Variants in ZEB1 observed in about 807,000 individuals in gnomAD.
ZEB1 encodes zinc finger E-box binding homeobox 1.
ZEB1 carries 21 observed loss-of-function variants against 84.9 expected under a neutral mutation model. That is an observed-to-expected ratio of 0.25 (90% confidence interval 0.18 to 0.36). ZEB1 has a LOEUF of 0.36. Among genes scored for constraint, ZEB1 ranks in the 10% least tolerant of loss-of-function variants. The pLI is 1.00. For synonymous variants in ZEB1, 420 were observed against 471.1 expected, an observed-to-expected ratio of 0.89 and a Z score of 1.41; for missense variants, 1,104 against 1,330.2, an observed-to-expected ratio of 0.83 and a Z score of 2.65.
At chr10:31,479,146 A>G (rs2064707241) in intron 2 of ZEB1, among the ~76,000 whole-genome samples, 1 of 151,900 alleles carries the variant, frequency 6.6e-6, no homozygotes, top group Non-Finnish European at 1.5e-5. Flanking sequence ...AATCCTGAAG[A>G]AATGGATAAA....
In ZEB1 at chr10:31,431,205, T is replaced by G. The variant is rs900793928; in HGVS notation, c.59-29832T>G. Among the ~76,000 whole-genome samples the G allele has an allele frequency of 3.9e-5, 6 of 152,328 alleles. No individual in the cohort carries two copies. The East Asian group carries it at 1.2e-3, about 29-fold the overall frequency. ...TCTCTCACCTAGTTCCAGGTACATA[T>G]CTTTGTTGTTGACCAGAAAAGTGCC... On this transcript the variant is annotated intron_variant, in intron 1 of 8. Transcript: ENST00000424869.
At chr10:31,471,431 A>G (rs964831474) in intron 2 of ZEB1, among the ~76,000 whole-genome samples, 7 of 151,718 alleles carry the variant, frequency 4.6e-5, no homozygotes, top group Non-Finnish European at 1.0e-4. Flanking sequence ...CTGATAAAAC[A>G]GACCTTAAAC....
intron 1 of ZEB1, among the ~76,000 whole-genome samples, chr10:31,366,836 ACTCCAGTGATC>A (rs1279051862): frequency 6.6e-6 from 1 of 152,052 alleles, no homozygotes; most frequent in African/African-American, 2.4e-5. Flanking sequence ...CTGGAGCAAG[ACTCCAGTGATC>A]CTTGGAAGAA....
At chr10:31,484,100 G>A (rs903022107) in intron 2 of ZEB1, among the ~76,000 whole-genome samples, 8 of 151,782 alleles carry the variant, frequency 5.3e-5, no homozygotes, top group Admixed American at 2.0e-4. Flanking sequence ...GTTTCATATC[G>A]TATCTCCACT....
intron 1 of ZEB1, chr10:31,319,548 C>G: frequency 1.9e-6 from 1 of 518,966 alleles, no homozygotes; most frequent in East Asian, 3.4e-5. Context: ...TCCCGCCGCC[C>G]CTGCCGCCTC....
At chr10:31,474,985 C>G (rs1486535856) in intron 2 of ZEB1, among the ~76,000 whole-genome samples, 2 of 150,894 alleles carry the variant, frequency 1.3e-5, no homozygotes, top group East Asian at 3.9e-4. Context: ...ACCGCATATT[C>G]TCACTCATAG....
At chr10:31,408,784 T>TA (rs1455550606) in intron 1 of ZEB1, among the ~76,000 whole-genome samples, 1 of 149,664 alleles carries the variant, frequency 6.7e-6, no homozygotes, top group Non-Finnish European at 1.5e-5. Flanking sequence ...CCTAAAACCA[T>TA]AAAAACCCTA....
chr10:31,413,377 C>T lies in ZEB1; in HGVS notation c.59-47660C>T, dbSNP rs534160187. Among the ~76,000 whole-genome samples the T allele has an allele frequency of 4.3e-4, 65 of 152,146 alleles. No homozygotes were observed. In the Middle Eastern group the frequency reaches 0.017, roughly 40 times the overall value. On this transcript the variant is annotated intron_variant, in intron 1 of 8. Coordinates refer to ENST00000424869, the MANE Select transcript of ZEB1 (RefSeq NM_001174096.2). ...TTCTTTAGCCTAGGGAAACTTTTCA[C>T]AGGAGATGGAGTTTTAGGTATTGTG...
chr10:31,375,762 A>T (rs1046661267), intron 1 of ZEB1, among the ~76,000 whole-genome samples: 1 of 151,794 alleles, frequency 6.6e-6, no homozygotes, highest in Non-Finnish European at 1.5e-5. Context: ...AGTTCGAATG[A>T]GAAAAATTTA....
chr10:31,447,014 T>A (rs909032975), intron 1 of ZEB1, among the ~76,000 whole-genome samples: 2 of 150,928 alleles, frequency 1.3e-5, no homozygotes, highest in Admixed American at 1.3e-4. Flanking sequence ...GACAGTGGGG[T>A]GTTAAAGTCT....
At chr10:31,403,747 C>T (rs988208152) in intron 1 of ZEB1, among the ~76,000 whole-genome samples, 2 of 151,926 alleles carry the variant, frequency 1.3e-5, no homozygotes, top group African/African-American at 4.8e-5. Flanking sequence ...ATTATATATT[C>T]AGCTTTCCTT....
intron 1 of ZEB1, among the ~76,000 whole-genome samples, chr10:31,442,745 G>C (rs530730214): frequency 6.6e-6 from 1 of 152,256 alleles, no homozygotes; most frequent in South Asian, 2.1e-4. Flanking sequence ...GAAACTGATA[G>C]AGTCAAGAGA....
At chr10:31,333,569 G>GTA (rs747761244) in intron 1 of ZEB1, among the ~76,000 whole-genome samples, 1 of 151,850 alleles carries the variant, frequency 6.6e-6, no homozygotes, top group Non-Finnish European at 1.5e-5. Context: ...GAAGGTATGT[G>GTA]TACCTTACAA....
chr10:31,326,316 T>TG (rs1315707836), intron 1 of ZEB1, among the ~76,000 whole-genome samples: 1 of 152,144 alleles, frequency 6.6e-6, no homozygotes, highest in Non-Finnish European at 1.5e-5. Flanking sequence ...CTGTATCTCT[T>TG]TAACGTTTTC....
chr10:31,319,655 T>A, intron 1 of ZEB1: 1 of 270,650 alleles, frequency 3.7e-6, no homozygotes, highest in Non-Finnish European at 6.9e-6. Flanking sequence ...GTGGAGCGGC[T>A]GTTGCTTCTT....
intron 1 of ZEB1, among the ~76,000 whole-genome samples, chr10:31,342,990 C>G (rs1202380261): frequency 6.6e-6 from 1 of 152,128 alleles, no homozygotes; most frequent in Admixed American, 6.5e-5. Flanking sequence ...GCACATCTCA[C>G]CTCTTTGTTT....
At chr10:31,512,441 G>A (rs553856470) in intron 5 of ZEB1, among the ~76,000 whole-genome samples, 1 of 152,254 alleles carries the variant, frequency 6.6e-6, no homozygotes, top group East Asian at 1.9e-4. Context: ...TGATAAATAT[G>A]GGGACCAGTA....
intron 1 of ZEB1, among the ~76,000 whole-genome samples, chr10:31,336,667 G>A (rs988970832): frequency 3.9e-5 from 6 of 152,062 alleles, no homozygotes; most frequent in African/African-American, 1.4e-4. Flanking sequence ...ATAGAAAACT[G>A]GGCTTGAATA....
At chr10:31,512,940 G>C (rs2070362782) in intron 5 of ZEB1, among the ~76,000 whole-genome samples, 1 of 152,190 alleles carries the variant, frequency 6.6e-6, no homozygotes, top group African/African-American at 2.4e-5. Flanking sequence ...ACTGAGAACA[G>C]CAGAGGCCAG....
Sources: allele counts gnomAD v4.1 joint callset (sites outside exome capture counted in the v4.1 genomes callset), GRCh38; gene constraint gnomAD v4.1.1; transcripts MANE v1.5; gene names NCBI Gene and HGNC (gene_info 2026-07-23, HGNC 2026-07-21).